GMDS: variants seen among roughly 807,000 people sequenced by gnomAD.
GMDS encodes GDP-mannose 4,6 dehydratase.
A neutral mutation model predicts 49.9 loss-of-function variants in GMDS; 20 were observed. That is an observed-to-expected ratio of 0.40 (90% CI 0.28 to 0.58). GMDS has a LOEUF of 0.58. GMDS is among the 20% of genes least tolerant of loss of function. GMDS has a pLI of 0.42. For synonymous variants in GMDS, 177 were observed against 178.6 expected (o/e 0.99, Z 0.07); for missense variants, 362 against 481.4 (o/e 0.75, Z 2.32).
At chr6:1,738,047 C>T (rs1186068769) in intron 8 of GMDS, among the ~76,000 whole-genome samples, 3 of 138,966 alleles carry the variant, frequency 2.2e-5, no homozygotes, top group Admixed American at 1.4e-4. Context: ...ACACACACCA[C>T]ATACACCACA....
intron 4 of GMDS, among the ~76,000 whole-genome samples, chr6:2,085,446 C>T (rs748150271): frequency 6.6e-6 from 1 of 152,134 alleles, no homozygotes; most frequent in Non-Finnish European, 1.5e-5. Flanking sequence ...TGTCTGTGCA[C>T]CTTACCTTAC....
intron 9 of GMDS, among the ~76,000 whole-genome samples, chr6:1,682,134 AC>A (rs1163674231): frequency 6.6e-6 from 1 of 151,904 alleles, no homozygotes; most frequent in Non-Finnish European, 1.5e-5. Flanking sequence ...TCCTCCCAAA[AC>A]TTTGATGTTT....
intron 8 of GMDS, among the ~76,000 whole-genome samples, chr6:1,737,672 A>G: frequency 6.7e-6 from 1 of 149,136 alleles, no homozygotes; most frequent in East Asian, 2.0e-4. Context: ...ACACACACAG[A>G]TATACATACA....
intron 4 of GMDS, among the ~76,000 whole-genome samples, chr6:2,030,003 C>T (rs932581995): frequency 6.6e-6 from 1 of 152,132 alleles, no homozygotes; most frequent in Non-Finnish European, 1.5e-5. Context: ...TTACATCCAA[C>T]TCGTGAACTG....
chr6:1,709,319 G>A (rs907738964), intron 9 of GMDS, among the ~76,000 whole-genome samples: 3 of 152,222 alleles, frequency 2.0e-5, no homozygotes, highest in Non-Finnish European at 4.4e-5. Flanking sequence ...CCCAGTGCAC[G>A]TGATCTGGGA....
intron 7 of GMDS, among the ~76,000 whole-genome samples, chr6:1,764,388 T>C (rs557544800): frequency 1.3e-5 from 2 of 152,320 alleles, no homozygotes; most frequent in African/African-American, 4.8e-5. Context: ...TGATAAAGGA[T>C]AGTCTTAATA....
chr6:2,242,183 T>C (rs1781644331), intron 1 of GMDS, among the ~76,000 whole-genome samples: 1 of 152,174 alleles, frequency 6.6e-6, no homozygotes, highest in African/African-American at 2.4e-5. Flanking sequence ...GGAATAAGAA[T>C]TGTGAGGCCA....
In GMDS at chr6:2,245,385, C is replaced by T; in HGVS notation, c.38G>A (p.Gly13Asp). 1 of 1,545,628 alleles carries T rather than the reference C, an allele frequency of 6.5e-7. No individual in the cohort carries two copies. The change falls in exon 1 of 11, where the codon GGC (glycine) becomes GAC (aspartate). Residue 13 changes from glycine (G) to aspartate (D), a missense_variant. Coordinates refer to ENST00000380815, the MANE Select transcript of GMDS (RefSeq NM_001500.4). Reference protein sequence around the residue: ...HAPARCPSARGSGDGEMGKPR... With the variant: ...HAPARCPSARDSGDGEMGKPR... ...CTTGCCCATCTCGCCGTCCCCGGAG[C>T]CCCGGGCGCTGGGGCAGCGTGCCGG...
intron 6 of GMDS, among the ~76,000 whole-genome samples, chr6:1,933,390 TA>T (rs1212120679): frequency 2.0e-5 from 3 of 152,254 alleles, no homozygotes; most frequent in African/African-American, 7.2e-5. Flanking sequence ...GGTATATACC[TA>T]GGGGTGGAAT....
chr6:1,894,911 T>C (rs1050397990), intron 7 of GMDS, among the ~76,000 whole-genome samples: 4 of 152,220 alleles, frequency 2.6e-5, no homozygotes, highest in Non-Finnish European at 5.9e-5. Flanking sequence ...CTGAAAATCT[T>C]ACCCTCAAAA....
At chr6:1,820,917 C>T (rs1770860916) in intron 7 of GMDS, among the ~76,000 whole-genome samples, 1 of 152,236 alleles carries the variant, frequency 6.6e-6, no homozygotes, top group Non-Finnish European at 1.5e-5. Context: ...CACGCATGGG[C>T]ATGGGGCTCT....
At chr6:2,079,440 G>A (rs1008567311) in intron 4 of GMDS, among the ~76,000 whole-genome samples, 1 of 151,870 alleles carries the variant, frequency 6.6e-6, no homozygotes, top group Non-Finnish European at 1.5e-5. Flanking sequence ...TTGTGTGATT[G>A]CTTTATTAGC....
intron 1 of GMDS, among the ~76,000 whole-genome samples, chr6:2,199,546 T>G (rs1238941405): frequency 1.3e-5 from 2 of 152,136 alleles, no homozygotes; most frequent in Non-Finnish European, 2.9e-5. Flanking sequence ...ACTGCCACTT[T>G]CTCTGTGTTC....
At chr6:2,202,718 G>A (rs185724100) in intron 1 of GMDS, among the ~76,000 whole-genome samples, 7 of 152,264 alleles carry the variant, frequency 4.6e-5, no homozygotes, top group Admixed American at 2.6e-4. Context: ...ATGATGCCAC[G>A]TCTGTTGTGG....
intron 1 of GMDS, among the ~76,000 whole-genome samples, chr6:2,232,007 C>G (rs1289718512): frequency 6.6e-6 from 1 of 151,990 alleles, no homozygotes; most frequent in Admixed American, 6.5e-5. Context: ...GGACTAATGC[C>G]AATCCATGAC....
chr6:1,998,116 G>T (rs1766411093), intron 4 of GMDS, among the ~76,000 whole-genome samples: 1 of 152,182 alleles, frequency 6.6e-6, no homozygotes, highest in East Asian at 1.9e-4. Context: ...TTTAGAAAAT[G>T]ATCTGAAAGT....
At chr6:1,744,640 C>T (rs184890317) in intron 7 of GMDS, among the ~76,000 whole-genome samples, 5 of 152,276 alleles carry the variant, frequency 3.3e-5, no homozygotes, top group Admixed American at 1.3e-4. Flanking sequence ...GGCTCGGCAC[C>T]GTTTGTCAAG....
intron 9 of GMDS, among the ~76,000 whole-genome samples, chr6:1,629,265 A>C (rs947192506): frequency 2.0e-5 from 3 of 152,238 alleles, no homozygotes; most frequent in Admixed American, 1.3e-4. Flanking sequence ...CCGAGCAGTA[A>C]GAAATGCTGT....
chr6:1,932,985 C>T (rs574569934), intron 6 of GMDS, among the ~76,000 whole-genome samples: 1 of 152,254 alleles, frequency 6.6e-6, no homozygotes, highest in East Asian at 1.9e-4. Context: ...TTTCAGAACA[C>T]TTTCATCATC....
Sources: allele counts gnomAD v4.1 joint callset (sites outside exome capture counted in the v4.1 genomes callset), GRCh38; gene constraint gnomAD v4.1.1; transcripts MANE v1.5; gene names NCBI Gene and HGNC (gene_info 2026-07-23, HGNC 2026-07-21).